The following AP1M1 variants were observed in gnomAD, a reference collection of about 807,000 sequenced individuals.
AP1M1 encodes the protein adaptor related protein complex 1 subunit mu 1.
AP1M1 carries 18 observed loss-of-function variants against 57.1 expected under a neutral mutation model. That is an observed-to-expected ratio of 0.32 (90% confidence interval 0.22 to 0.47). The LOEUF is 0.47. Ranked by LOEUF, AP1M1 falls within the 20% of genes least tolerant of loss-of-function variation. AP1M1 has a pLI of 1.00. For missense variants in AP1M1, 362 were observed against 593.5 expected (o/e 0.61, Z 4.05); for synonymous variants, 241 against 237.9 (o/e 1.01, Z -0.12).
intron 5 of AP1M1, among the ~76,000 whole-genome samples, chr19:16,217,848 C>T (rs1198558173): frequency 6.6e-6 from 1 of 152,106 alleles, no homozygotes; most frequent in Non-Finnish European, 1.5e-5. Context: ...AGTTCTGCCC[C>T]GCCTGAGGTA....
At chr19:16,199,671 T>A (rs1305602166) in intron 1 of AP1M1, among the ~76,000 whole-genome samples, 1 of 144,294 alleles carries the variant, frequency 6.9e-6, no homozygotes, top group Non-Finnish European at 1.5e-5. Flanking sequence ...AGTCAACAAC[T>A]GGTGAGACCC....
Position 16,207,873 on chromosome 19 carries a change from G to C in AP1M1, c.268-146G>C. 9.3e-7 allele frequency: 1 copy of C among 1,070,530 alleles called. No homozygotes were observed. Among genetic ancestry groups the C allele is most frequent in the South Asian group, 1.5e-5 (1 of 65,116 alleles). The allele number at this position is 1,070,530 out of a possible 1,614,324, so 66.3% of individuals were successfully genotyped here. ...GTCCTGCCCCATAACCTGGGTCCAGGGCCCTGTAGCACACCACCGAGCCTG... is the reference window on the plus strand; with the variant it reads ...GTCCTGCCCCATAACCTGGGTCCAGCGCCCTGTAGCACACCACCGAGCCTG... On this transcript the variant is annotated intron_variant, in intron 3 of 11. Transcript: ENST00000291439. This position sits in a 1 kb window ranked among gnomAD's most constrained non-coding sequence, Gnocchi z 4.2.
chr19:16,206,488 C>T lies in AP1M1; in HGVS notation c.267+80C>T. 3.4e-6 allele frequency: 5 copies of T among 1,470,360 alleles called. No homozygotes were observed. Among genetic ancestry groups the T allele is most frequent in the Non-Finnish European group, 4.7e-6 (5 of 1,053,358 alleles). The allele number at this position is 1,470,360 out of a possible 1,614,324, so 91.1% of individuals were successfully genotyped here. On this transcript the variant is annotated intron_variant, in intron 3 of 11. Transcript: ENST00000291439. This position sits in a 1 kb window ranked among gnomAD's most constrained non-coding sequence, Gnocchi z 4.3. ...TTGTGGACCTCCCCATACCTGGCCA[C>T]CCTACAGAGAGCTGTGGCATCCCCA...
chr19:16,208,300 G>GCT (rs1172566592), intron 4 of AP1M1, 151 bp downstream of exon 4: 2 of 821,338 alleles, frequency 2.4e-6, no homozygotes, highest in Non-Finnish European at 3.6e-6. Flanking sequence ...TTACTAAGTT[G>GCT]CTCTTAGTGG....
chr19:16,198,026 C>T lies in AP1M1; in HGVS notation c.-1C>T. On this transcript the variant is annotated 5_prime_UTR_variant, in exon 1 of 12. Coordinates refer to ENST00000291439, the MANE Select transcript of AP1M1 (RefSeq NM_032493.4). ...CGCTGCCGAGGCCTCCTGCAGCCAT[C>T]ATGTCCGCCAGCGCCGTCTACGTGC... 1.3e-6 allele frequency: 2 copies of T among 1,596,454 alleles called. No homozygotes were observed. The highest frequency in any genetic ancestry group is 1.1e-5 in the South Asian group (1 of 89,196).
intron 5 of AP1M1, among the ~76,000 whole-genome samples, chr19:16,214,052 C>CTCT (rs778650888): frequency 7.2e-6 from 1 of 139,512 alleles, no homozygotes; most frequent in Non-Finnish European, 1.5e-5. Flanking sequence ...TTTCCTTTTT[C>CTCT]TTTTTTTTTT....
chr19:16,220,073 T>C (rs1445063119), intron 5 of AP1M1, among the ~76,000 whole-genome samples: 3 of 152,240 alleles, frequency 2.0e-5, no homozygotes. Flanking sequence ...AGGAAGTGTT[T>C]TTTCCTCTTC....
rs2091575011 is a variant in AP1M1, at chr19:16,227,201, C to T, written c.674-347C>T. On this transcript the variant is annotated intron_variant, in intron 6 of 11. Transcript: ENST00000291439. This position sits in a 1 kb window ranked among gnomAD's most constrained non-coding sequence, Gnocchi z 6.2. ...GTAGGACCCAGGACCCCGTGGATGC[C>T]AGGGCCTGAGCCCTTGGGGAGCCCC... is the stretch of plus-strand genomic sequence containing the variant. Among the ~76,000 whole-genome samples, 1 of 152,178 alleles carries T rather than the reference C, an allele frequency of 6.6e-6. No homozygotes were observed. The highest frequency in any genetic ancestry group is 6.5e-5 in the Admixed American group (1 of 15,286).
In AP1M1 at chr19:16,206,292, G is replaced by A. The variant is rs749198263; in HGVS notation, c.200-49G>A. ...TCCCTCCATGAACCAGGATCTTCCA[G>A]GCAGCAGCCCCAGCCTCTGAATGCT... On this transcript the variant is annotated intron_variant, in intron 2 of 11. Coordinates refer to ENST00000291439, the MANE Select transcript of AP1M1 (RefSeq NM_032493.4). This position sits in a 1 kb window ranked among gnomAD's most constrained non-coding sequence, Gnocchi z 4.3. The A allele has an allele frequency of 8.1e-6, 13 of 1,601,704 alleles. No individual in the cohort carries two copies. The highest frequency in any genetic ancestry group is 1.7e-5 in the Admixed American group (1 of 59,898).
intron 5 of AP1M1, among the ~76,000 whole-genome samples, chr19:16,224,350 G>A (rs895408191): frequency 7.9e-5 from 12 of 152,206 alleles, no homozygotes; most frequent in Admixed American, 2.6e-4. Context: ...GCCACAGTGC[G>A]CTGCTGCATG....
chr19:16,215,324 G>A (rs2091514839), intron 5 of AP1M1, among the ~76,000 whole-genome samples: 1 of 146,844 alleles, frequency 6.8e-6, no homozygotes, highest in Non-Finnish European at 1.5e-5. Context: ...AGCAGCACGT[G>A]GTGGTGCATG....
intron 1 of AP1M1, among the ~76,000 whole-genome samples, chr19:16,201,008 C>G (rs2091444571): frequency 6.6e-6 from 1 of 152,134 alleles, no homozygotes; most frequent in African/African-American, 2.4e-5. Flanking sequence ...TCTGAGACAC[C>G]AGAGAGGTCC....
rs1555726380 is a variant in AP1M1 at position 16,240,268 on chromosome 19, G to GTGTA, written c.*5836_*5837insATGT. The GTGTA allele has an allele frequency of 3.1e-4, 5 of 16,190 alleles. No individual in the cohort carries two copies. Among genetic ancestry groups the GTGTA allele is most frequent in the African/African-American group, 7.7e-4 (5 of 6,520 alleles). 1.0% of individuals were successfully genotyped at this position (16,190 alleles called of 1,614,324 possible). A position where few individuals can be genotyped will look rare whatever the true frequency, so the allele number is the denominator to read the frequency against. On this transcript the variant is annotated 3_prime_UTR_variant, in exon 12 of 12. Coordinates refer to ENST00000291439, the MANE Select transcript of AP1M1 (RefSeq NM_032493.4). ...TGTGTGTGTGTGTGTGTGTGTGTGTGTGTGTATGTGTGTGTGTGTGTGTGT... is the reference window on the plus strand; with the variant it reads ...TGTGTGTGTGTGTGTGTGTGTGTGTGTGTATGTGTATGTGTGTGTGTGTGTGTGT...
chr19:16,234,686 G>A lies in AP1M1; in HGVS notation c.*251G>A, dbSNP rs2091617045. The A allele has an allele frequency of 6.8e-6, 4 of 589,738 alleles. No homozygotes were observed. The highest frequency in any genetic ancestry group is 1.2e-5 in the Non-Finnish European group (4 of 330,662). 36.5% of individuals were successfully genotyped at this position (589,738 alleles called of 1,614,324 possible). On this transcript the variant is annotated 3_prime_UTR_variant, in exon 12 of 12. Transcript: ENST00000291439. ...GCCCCTGAAGTCAGTTTCAGGGGAA[G>A]GATGTGAAATTTTTCCGTGTAGAGG...
At chr19:16,218,546 C>T (rs2091528722) in intron 5 of AP1M1, among the ~76,000 whole-genome samples, 6 of 152,200 alleles carry the variant, frequency 3.9e-5, no homozygotes, top group Admixed American at 1.3e-4. Context: ...TGCCTTCCAT[C>T]CAGCCTCTAT....
At chr19:16,213,183 G>A (rs1054234321) in intron 5 of AP1M1, among the ~76,000 whole-genome samples, 4 of 152,204 alleles carry the variant, frequency 2.6e-5, no homozygotes, top group African/African-American at 7.2e-5. Flanking sequence ...AATACTGTCA[G>A]TGGGGTGTTG....
At position 16,215,188 on chromosome 19, in the gene AP1M1, C is replaced by T. The variant is rs1247148267; in HGVS notation, c.546+6011C>T. Among the ~76,000 whole-genome samples the T allele has an allele frequency of 6.4e-4, 10 of 15,676 alleles. 1 individual carries two copies. Among genetic ancestry groups the T allele is most frequent in the African/African-American group, 1.1e-3 (6 of 5,654 alleles). 10.3% of individuals were successfully genotyped at this position (15,676 alleles called of 152,430 possible). On this transcript the variant is annotated intron_variant, in intron 5 of 11. Transcript: ENST00000291439. The stretch of plus-strand genomic sequence containing the variant: ...CCTGTAATCCCAGCACTTTGGGAGG[C>T]TAAGGCGGGGGCGGGGGGGGGGGAG...
Position 16,239,239 on chromosome 19 carries a change from C to CTTTTTTTTTTTTTTTTTTTTTT in AP1M1, c.*4823_*4844dup, listed in dbSNP as rs71178661. On this transcript the variant is annotated 3_prime_UTR_variant, in exon 12 of 12. Transcript: ENST00000291439. ...TGAGCCACCGCGCCCGGCCAGTTCT[C>CTTTTTTTTTTTTTTTTTTTTTT]TTTTTTTTTTTTTTTTTTTTTTTTT... The CTTTTTTTTTTTTTTTTTTTTTT allele has an allele frequency of 2.5e-5, 1 of 39,232 alleles. No homozygotes were observed. Among genetic ancestry groups the CTTTTTTTTTTTTTTTTTTTTTT allele is most frequent in the African/African-American group, 8.9e-5 (1 of 11,246 alleles). 2.4% of individuals were successfully genotyped at this position (39,232 alleles called of 1,614,324 possible). A position where few individuals can be genotyped will look rare whatever the true frequency, so the allele number is the denominator to read the frequency against.
At chr19:16,209,456 G>A (rs978996032) in intron 5 of AP1M1, among the ~76,000 whole-genome samples, 3 of 152,074 alleles carry the variant, frequency 2.0e-5, no homozygotes, top group Non-Finnish European at 2.9e-5. Flanking sequence ...TCAGCCTCCC[G>A]TGTAGCCGGG....
Sources: allele counts gnomAD v4.1 joint callset (sites outside exome capture counted in the v4.1 genomes callset), GRCh38; gene constraint gnomAD v4.1.1; non-coding constraint Gnocchi (gnomAD v3.1); transcripts MANE v1.5; gene names NCBI Gene and HGNC (gene_info 2026-07-23, HGNC 2026-07-21).